Variants in BTAF1 observed in about 807,000 individuals in gnomAD.
The protein encoded by BTAF1 is TATA-binding protein-associated factor 172.
In BTAF1, 38 loss-of-function variants were observed where a neutral mutation model predicts 227.1. That is an observed-to-expected ratio of 0.17 (90% confidence interval 0.13 to 0.22). BTAF1 has a LOEUF of 0.22. BTAF1 is among the 10% of genes least tolerant of loss of function. The pLI, the probability that BTAF1 is intolerant of heterozygous loss-of-function variation, is 1.00. For missense variants in BTAF1, 1,598 were observed against 2,204.0 expected, an observed-to-expected ratio of 0.73 and a Z score of 5.51; for synonymous variants, 742 against 751.9, an observed-to-expected ratio of 0.99 and a Z score of 0.21.
At chr10:92,005,784 T>C (rs925326289) in intron 25 of BTAF1, among the ~76,000 whole-genome samples, 6 of 129,546 alleles carry the variant, frequency 4.6e-5, no homozygotes, top group African/African-American at 1.2e-4. Flanking sequence ...AAAATAACTT[T>C]TCTAAAACAA....
intron 9 of BTAF1, 126 bp from the exon 10 acceptor site, chr10:91,959,654 AGGTGT>A: frequency 2.8e-6 from 1 of 355,740 alleles, no homozygotes. Context: ...TTTGGACCTA[AGGTGT>A]CCCCCAAGTC....
chr10:91,974,025 G>A (rs1272010486), intron 14 of BTAF1, among the ~76,000 whole-genome samples: 1 of 151,758 alleles, frequency 6.6e-6, no homozygotes, highest in Non-Finnish European at 1.5e-5. Flanking sequence ...ATAATTATGT[G>A]TCTAATTGCT....
chr10:92,018,020 C>T (rs918355570), intron 33 of BTAF1, among the ~76,000 whole-genome samples: 2 of 152,170 alleles, frequency 1.3e-5, no homozygotes, highest in Non-Finnish European at 2.9e-5. Context: ...CCTTGCTCCC[C>T]TCCTCTCATC....
intron 24 of BTAF1, among the ~76,000 whole-genome samples, chr10:91,996,891 A>G (rs1243396348): frequency 6.6e-6 from 1 of 152,184 alleles, no homozygotes; most frequent in East Asian, 1.9e-4. Context: ...TTTGTTTATA[A>G]TCAGTGTCTT....
chr10:92,004,576 T>G (rs1463289961), intron 25 of BTAF1, among the ~76,000 whole-genome samples: 1 of 152,112 alleles, frequency 6.6e-6, no homozygotes, highest in Non-Finnish European at 1.5e-5. Flanking sequence ...CAAGTGATCT[T>G]TCCACCCCAG....
chr10:92,017,010 T>C (rs538530004), intron 33 of BTAF1, among the ~76,000 whole-genome samples: 34 of 152,376 alleles, frequency 2.2e-4, no homozygotes, highest in Non-Finnish European at 4.7e-4. Flanking sequence ...GAGAATCTTT[T>C]GCTTTTTTAT....
chr10:91,999,773 C>A (rs1040923847), intron 25 of BTAF1, among the ~76,000 whole-genome samples: 1 of 152,172 alleles, frequency 6.6e-6, no homozygotes, highest in Admixed American at 6.5e-5. Flanking sequence ...AAATCATGTA[C>A]TGTTATACTG....
intron 1 of BTAF1, among the ~76,000 whole-genome samples, chr10:91,925,605 G>T (rs1303235599): frequency 6.9e-6 from 1 of 145,694 alleles, no homozygotes; most frequent in Admixed American, 7.4e-5. Context: ...TCCGCATCCC[G>T]GGTTCAGGCC....
At chr10:91,969,707 T>C (rs921230892) in intron 14 of BTAF1, among the ~76,000 whole-genome samples, 2 of 152,154 alleles carry the variant, frequency 1.3e-5, no homozygotes, top group African/African-American at 4.8e-5. Context: ...CTCAGGCCTG[T>C]GATCCCAGCA....
chr10:91,978,944 A>G (rs1443511304), intron 14 of BTAF1, among the ~76,000 whole-genome samples: 1 of 149,820 alleles, frequency 6.7e-6, no homozygotes, highest in Non-Finnish European at 1.5e-5. Flanking sequence ...ACTAAAGCTT[A>G]ATAACCAGTA....
chr10:91,957,405 AG>A (rs1846179746), intron 8 of BTAF1, 112 bp downstream of exon 8: 1 of 781,314 alleles, frequency 1.3e-6, no homozygotes, highest in Admixed American at 2.4e-5. Context: ...TGTTTGTCTC[AG>A]GACTCAGGGC....
Position 91,981,565 on chromosome 10 carries a change from C to T in BTAF1, c.1756-78C>T. On this transcript the variant is annotated intron_variant, in intron 15 of 37. Coordinates refer to ENST00000265990, the MANE Select transcript of BTAF1 (RefSeq NM_003972.3). ...TGCTATTTCCTACTTAAAAAAACCT[C>T]AGTATTCCTAAAGATAAGTGTTAGA... The T allele has an allele frequency of 2.8e-6, 4 of 1,405,576 alleles. No homozygotes were observed. The South Asian group carries it at 5.1e-5, about 18-fold the overall frequency. 87.1% of individuals were successfully genotyped at this position (1,405,576 alleles called of 1,614,324 possible). A position where few individuals can be genotyped will look rare whatever the true frequency, so the allele number is the denominator to read the frequency against.
At chr10:91,964,801 A>T (rs1846770484) in intron 13 of BTAF1, among the ~76,000 whole-genome samples, 1 of 152,168 alleles carries the variant, frequency 6.6e-6, no homozygotes, top group Admixed American at 6.5e-5. Context: ...CATATTCCCT[A>T]CCTTTTAGAC....
intron 19 of BTAF1, 36 bp downstream of exon 19, chr10:91,984,440 A>C: frequency 6.6e-7 from 1 of 1,517,318 alleles, no homozygotes; most frequent in Non-Finnish European, 9.0e-7. Context: ...TTAGAGATAG[A>C]ACATGAAATA....
At chr10:91,986,331 C>G (rs1303658670) in intron 19 of BTAF1, among the ~76,000 whole-genome samples, 1 of 152,162 alleles carries the variant, frequency 6.6e-6, no homozygotes, top group Non-Finnish European at 1.5e-5. Flanking sequence ...AGCATCCATG[C>G]TTCATTACAG....
intron 19 of BTAF1, among the ~76,000 whole-genome samples, chr10:91,986,837 C>T (rs11186783): frequency 0.27 from 41,438 of 151,650 alleles, 6,928 homozygotes; most frequent in Middle Eastern, 0.38. Context: ...CTGGGAGAGA[C>T]TTTTTTTCTT....
intron 2 of BTAF1, among the ~76,000 whole-genome samples, chr10:91,939,026 C>A (rs1815467985): frequency 6.8e-6 from 1 of 146,778 alleles, no homozygotes; most frequent in African/African-American, 2.5e-5. Context: ...TGTTGAATCT[C>A]TTGATTAATT....
chr10:92,008,730 ATATTTT>A, intron 26 of BTAF1, 93 bp from the exon 27 acceptor site: 1 of 1,132,064 alleles, frequency 8.8e-7, no homozygotes, highest in Non-Finnish European at 1.2e-6. Flanking sequence ...GCATATAGAA[ATATTTT>A]TGTTTTGTGC....
intron 11 of BTAF1, among the ~76,000 whole-genome samples, chr10:91,961,327 T>C (rs1846493925): frequency 6.6e-6 from 1 of 152,230 alleles, no homozygotes; most frequent in African/African-American, 2.4e-5. Context: ...CTATCCATTA[T>C]GGCTACTTAA....
Sources: allele counts gnomAD v4.1 joint callset (sites outside exome capture counted in the v4.1 genomes callset), GRCh38; gene constraint gnomAD v4.1.1; transcripts MANE v1.5; gene names NCBI Gene and HGNC (gene_info 2026-07-23, HGNC 2026-07-21).